ZNF474: variants seen among roughly 807,000 people sequenced by gnomAD.
The protein encoded by ZNF474 is 4933409D10Rik.
For missense variants in ZNF474, 511 were observed against 433.8 expected (o/e 1.18, Z -1.58); for synonymous variants, 192 against 162.2 (o/e 1.18, Z -1.39).
chr5:122,138,493 A>C (rs1755760689), intron 1 of ZNF474, among the ~76,000 whole-genome samples: 1 of 152,238 alleles, frequency 6.6e-6, no homozygotes, highest in Admixed American at 6.5e-5. Flanking sequence ...TTGTGAAATG[A>C]ACAAAGAACA....
intron 1 of ZNF474, among the ~76,000 whole-genome samples, chr5:122,139,256 G>T (rs1008576188): frequency 6.6e-6 from 1 of 152,166 alleles, no homozygotes; most frequent in Non-Finnish European, 1.5e-5. Context: ...TGTGTGTTAA[G>T]CAGTTTCTAA....
At chr5:122,138,101 G>A (rs544377096) in intron 1 of ZNF474, among the ~76,000 whole-genome samples, 1 of 152,216 alleles carries the variant, frequency 6.6e-6, no homozygotes. Context: ...GAAGACAGGA[G>A]TGAAAAATCA....
chr5:122,148,760 G>T (rs1173447595), intron 1 of ZNF474, among the ~76,000 whole-genome samples: 2 of 151,618 alleles, frequency 1.3e-5, no homozygotes, highest in Admixed American at 6.6e-5. Context: ...TTTTGAGATG[G>T]AGTTTCACTC....
At chr5:122,138,966 T>C (rs932832626) in intron 1 of ZNF474, among the ~76,000 whole-genome samples, 2 of 152,234 alleles carry the variant, frequency 1.3e-5, no homozygotes, top group African/African-American at 4.8e-5. Flanking sequence ...TTTTGGTTCA[T>C]TTTAAAATCA....
rs1375049694 is a variant in ZNF474 at position 122,137,207 on chromosome 5, G to T, written c.-213+7524G>T. 4.6e-5 allele frequency among the ~76,000 whole-genome samples: 7 copies of T among 151,858 alleles called. No individual in the cohort carries two copies. In the South Asian group the frequency reaches 1.2e-3, roughly 27 times the overall value. On this transcript the variant is annotated intron_variant, in intron 1 of 1. Transcript: ENST00000296600. The stretch of plus-strand genomic sequence containing the variant: ...TGTGTGTGTTTGGGACAGAGGGAAA[G>T]AAATTACTTGAAAAAGAGTAGTCAA...
intron 1 of ZNF474, among the ~76,000 whole-genome samples, chr5:122,141,292 C>T (rs1755838429): frequency 7.2e-6 from 1 of 138,222 alleles, no homozygotes; most frequent in African/African-American, 2.9e-5. Flanking sequence ...CTGGGATTAC[C>T]CCTGGCTATT....
In ZNF474 at chr5:122,151,805, AGGACTTTCCAACATTCCAGACT is replaced by A. The variant is rs1756184130; in HGVS notation, c.-184_-163del. The A allele has an allele frequency of 1.6e-6, 1 of 642,622 alleles. No homozygotes were observed. Among genetic ancestry groups the A allele is most frequent in the Non-Finnish European group, 2.6e-6 (1 of 387,242 alleles). 39.8% of individuals were successfully genotyped at this position (642,622 alleles called of 1,614,324 possible). A position where few individuals can be genotyped will look rare whatever the true frequency, so the allele number is the denominator to read the frequency against. On this transcript the variant is annotated 5_prime_UTR_variant, in exon 2 of 2. The change abolishes the stop of an existing upstream ORF in the 5' untranslated region. Coordinates refer to ENST00000296600, the MANE Select transcript of ZNF474 (RefSeq NM_207317.3). Reference sequence around the variant, plus strand: ...TCTTGGAGACATCTCAGCTTTAATGAGGACTTTCCAACATTCCAGACTGCCGTCCTGCAATGAAGCTCTGAGT... The same window carrying A: ...TCTTGGAGACATCTCAGCTTTAATGAGCCGTCCTGCAATGAAGCTCTGAGT...
intron 1 of ZNF474, among the ~76,000 whole-genome samples, chr5:122,131,285 T>C (rs763244579): frequency 2.6e-5 from 4 of 152,130 alleles, no homozygotes; most frequent in Non-Finnish European, 5.9e-5. Context: ...AGAACTACCA[T>C]CTGATCTAGC....
intron 1 of ZNF474, among the ~76,000 whole-genome samples, chr5:122,144,856 T>A (rs1230483738): frequency 6.6e-6 from 1 of 152,186 alleles, no homozygotes; most frequent in South Asian, 2.1e-4. Flanking sequence ...ACTGCAAATG[T>A]CAATATTACA....
rs551349688 is a variant in ZNF474 at position 122,135,995 on chromosome 5, G to T, written c.-213+6312G>T. 3.3e-5 allele frequency among the ~76,000 whole-genome samples: 5 copies of T among 152,198 alleles called. No individual in the cohort carries two copies. The South Asian group carries it at 1.0e-3, about 32-fold the overall frequency. ...ATGATGGTTGCCAGAGCTGGGAAGG[G>T]TAATGGGAAATGAATAAATAGGGGT... On this transcript the variant is annotated intron_variant, in intron 1 of 1. Transcript: ENST00000296600.
At chr5:122,130,393 T>G (rs1163510078) in intron 1 of ZNF474, among the ~76,000 whole-genome samples, 1 of 152,180 alleles carries the variant, frequency 6.6e-6, no homozygotes, top group Non-Finnish European at 1.5e-5. Flanking sequence ...CCTCAAAGAA[T>G]AGTTGGCCAT....
At chr5:122,146,217 G>C (rs1053014444) in intron 1 of ZNF474, among the ~76,000 whole-genome samples, 1 of 152,162 alleles carries the variant, frequency 6.6e-6, no homozygotes, top group African/African-American at 2.4e-5. Flanking sequence ...GCTGTGCATA[G>C]TCCCTGTACC....
At chr5:122,145,710 T>C (rs1358203324) in intron 1 of ZNF474, among the ~76,000 whole-genome samples, 13 of 152,318 alleles carry the variant, frequency 8.5e-5, no homozygotes, top group Non-Finnish European at 1.8e-4. Flanking sequence ...GCATTTTCAG[T>C]GGTCTGAGTT....
intron 1 of ZNF474, among the ~76,000 whole-genome samples, chr5:122,145,629 T>A (rs931384983): frequency 1.3e-5 from 2 of 152,164 alleles, no homozygotes; most frequent in Non-Finnish European, 1.5e-5. Flanking sequence ...AATTTGTTCA[T>A]CTACTGGAAA....
intron 1 of ZNF474, among the ~76,000 whole-genome samples, chr5:122,139,021 C>T (rs2152604299): frequency 6.6e-6 from 1 of 152,260 alleles, no homozygotes; most frequent in East Asian, 1.9e-4. Context: ...TGAATCAGTT[C>T]ATGGCATTTC....
At position 122,152,490 on chromosome 5, in the gene ZNF474, C is replaced by T; in HGVS notation, c.500C>T (p.Pro167Leu). ...CAGAGTGCCCAGGCTCAGCTGCTGC[C>T]CTGTGAATCCTGTGGCCGCACATTC... ...AFQSAQAQLL[P>L]CESCGRTFLP... The change falls in exon 2 of 2, where the codon CCC (proline) becomes CTC (leucine). Residue 167 changes from proline (P) to leucine (L), a missense_variant. Physicochemically the swap from Pro to Leu is moderately conservative, Grantham distance 98 (BLOSUM62 -3). Transcript: ENST00000296600. 2 of 1,614,168 alleles carry T rather than the reference C, an allele frequency of 1.2e-6. No homozygotes were observed. Among genetic ancestry groups the T allele is most frequent in the Non-Finnish European group, 8.5e-7 (1 of 1,180,034 alleles).
At chr5:122,146,406 T>C (rs576743499) in intron 1 of ZNF474, among the ~76,000 whole-genome samples, 28 of 152,292 alleles carry the variant, frequency 1.8e-4, no homozygotes, top group Non-Finnish European at 3.7e-4. Context: ...AAAGGAAGTG[T>C]GATCAATTTC....
intron 1 of ZNF474, among the ~76,000 whole-genome samples, chr5:122,141,154 T>TTTGA (rs1561439564): frequency 4.9e-5 from 2 of 40,540 alleles, no homozygotes; most frequent in African/African-American, 8.3e-5. Context: ...TATTTTATTT[T>TTTGA]ATTTTATTTT....
intron 1 of ZNF474, among the ~76,000 whole-genome samples, chr5:122,135,587 C>T (rs375280928): frequency 2.0e-5 from 3 of 152,224 alleles, no homozygotes; most frequent in South Asian, 4.1e-4. Context: ...ATGGAAGTTC[C>T]TCACAAAACT....
Sources: allele counts gnomAD v4.1 joint callset (sites outside exome capture counted in the v4.1 genomes callset), GRCh38; gene constraint gnomAD v4.1.1; transcripts MANE v1.5; gene names NCBI Gene and HGNC (gene_info 2026-07-23, HGNC 2026-07-21).